Variants in ZNRF2 observed in about 807,000 individuals in gnomAD.
ZNRF2 encodes the protein E3 ubiquitin-protein ligase ZNRF2.
In ZNRF2, 16 loss-of-function variants were observed where a neutral mutation model predicts 20.4. The observed-to-expected ratio is 0.79, with a 90% CI of 0.53 to 1.19. The LOEUF (loss-of-function observed/expected upper bound fraction) is 1.19, where lower values mean the gene tolerates loss of function less well. ZNRF2 is among the 50% of genes most tolerant of loss of function. The pLI, the probability that ZNRF2 is intolerant of heterozygous loss-of-function variation, is 0.00. For missense variants in ZNRF2, 363 were observed against 332.4 expected, an observed-to-expected ratio of 1.09 and a Z score of -0.72; for synonymous variants, 178 against 144.9, an observed-to-expected ratio of 1.23 and a Z score of -1.64.
intron 2 of ZNRF2, among the ~76,000 whole-genome samples, chr7:30,334,533 A>G (rs1799687980): frequency 6.6e-6 from 1 of 152,196 alleles, no homozygotes; most frequent in South Asian, 2.1e-4. Context: ...AAATGACAGT[A>G]CTTTGATAGA....
At chr7:30,286,101 A>G (rs146773083) in intron 1 of ZNRF2, among the ~76,000 whole-genome samples, 1 of 152,186 alleles carries the variant, frequency 6.6e-6, no homozygotes, top group Non-Finnish European at 1.5e-5. Context: ...TTCCAGTGAG[A>G]TGACTGGAGC....
At chr7:30,363,181 C>A (rs964794059) in intron 4 of ZNRF2, among the ~76,000 whole-genome samples, 18 of 151,750 alleles carry the variant, frequency 1.2e-4, no homozygotes, top group African/African-American at 4.4e-4. Context: ...TGCAGTGAGC[C>A]GAGATCATGC....
At chr7:30,340,123 G>A (rs184054758) in intron 2 of ZNRF2, among the ~76,000 whole-genome samples, 2 of 152,298 alleles carry the variant, frequency 1.3e-5, no homozygotes, top group African/African-American at 4.8e-5. Context: ...TGCTGAAGTT[G>A]CTTATCAGCT....
Position 30,285,507 on chromosome 7 carries a change from G to T in ZNRF2, c.150G>T (p.Pro50=). Residue 50 remains proline, a synonymous_variant, in exon 1 of 5, where the codon CCG becomes CCT. Coordinates refer to ENST00000323037, the MANE Select transcript of ZNRF2 (RefSeq NM_147128.4). ...GARAAAAGRF[P]AQVPSAHQPS... The stretch of plus-strand genomic sequence containing the variant: ...GGGCCGCCGCCGCGGGGAGGTTCCC[G>T]GCTCAGGTGCCCAGCGCGCACCAGC... 9.6e-7 allele frequency: 1 copy of T among 1,045,140 alleles called. No individual in the cohort carries two copies. Among genetic ancestry groups the T allele is most frequent in the Admixed American group, 5.9e-5 (1 of 16,834 alleles). 64.7% of individuals were successfully genotyped at this position (1,045,140 alleles called of 1,614,324 possible). A position where few individuals can be genotyped will look rare whatever the true frequency, so the allele number is the denominator to read the frequency against.
At chr7:30,362,337 G>A (rs750297306) in intron 3 of ZNRF2, 40 bp from the exon 4 acceptor site, 15 of 1,395,058 alleles carry the variant, frequency 1.1e-5, no homozygotes, top group African/African-American at 1.4e-5. Flanking sequence ...TAAATAATTA[G>A]TATAAGTATC....
In ZNRF2 at chr7:30,367,591, T is replaced by A. The variant is rs1670138649; in HGVS notation, c.*1579T>A. On this transcript the variant is annotated 3_prime_UTR_variant, in exon 5 of 5. Coordinates refer to ENST00000323037, the MANE Select transcript of ZNRF2 (RefSeq NM_147128.4). ...TTTTCCCCCTACTTTCTTGCTTCTGTTTCACATTTTTTAAAAGGGCAAGTA... is the reference window on the plus strand; with the variant it reads ...TTTTCCCCCTACTTTCTTGCTTCTGATTCACATTTTTTAAAAGGGCAAGTA... The A allele has an allele frequency of 6.6e-6, 1 of 152,030 alleles. No homozygotes were observed. Among genetic ancestry groups the A allele is most frequent in the Non-Finnish European group, 1.5e-5 (1 of 67,898 alleles). 9.4% of individuals were successfully genotyped at this position (152,030 alleles called of 1,614,324 possible). A position where few individuals can be genotyped will look rare whatever the true frequency, so the allele number is the denominator to read the frequency against.
chr7:30,348,700 C>T (rs893541399), intron 2 of ZNRF2, among the ~76,000 whole-genome samples: 1 of 152,198 alleles, frequency 6.6e-6, no homozygotes, highest in Non-Finnish European at 1.5e-5. Flanking sequence ...CGGTTTGCTT[C>T]CATTCTCTAA....
rs1365772359 is a variant in ZNRF2, at chr7:30,286,804, T to G, written c.469+978T>G. Among the ~76,000 whole-genome samples the G allele has an allele frequency of 4.6e-5, 7 of 152,318 alleles. No individual in the cohort carries two copies. The South Asian group carries it at 8.3e-4, about 18-fold the overall frequency. On this transcript the variant is annotated intron_variant, in intron 1 of 4. Coordinates refer to ENST00000323037, the MANE Select transcript of ZNRF2 (RefSeq NM_147128.4). ...CATTCCCATTTCATCGCATTATGTATCTGGTATTAGAAAAATTAGCAACTG... is the reference window on the plus strand; with the variant it reads ...CATTCCCATTTCATCGCATTATGTAGCTGGTATTAGAAAAATTAGCAACTG...
chr7:30,328,672 C>T (rs1466075476), intron 2 of ZNRF2, among the ~76,000 whole-genome samples: 1 of 152,166 alleles, frequency 6.6e-6, no homozygotes, highest in African/African-American at 2.4e-5. Flanking sequence ...GTTTTTCAGA[C>T]TAGCTCACCA....
At chr7:30,348,900 C>T (rs1562619967) in intron 2 of ZNRF2, among the ~76,000 whole-genome samples, 1 of 152,196 alleles carries the variant, frequency 6.6e-6, no homozygotes, top group East Asian at 1.9e-4. Flanking sequence ...AAAAGCCTTA[C>T]TTACATACTT....
chr7:30,362,485 G>A (rs1800141893), intron 4 of ZNRF2, 29 bp downstream of exon 4: 1 of 1,382,242 alleles, frequency 7.2e-7, no homozygotes, highest in Non-Finnish European at 1.0e-6. Context: ...ACTTTTTAAA[G>A]CGTTAGCCCA....
At chr7:30,298,214 A>T (rs975538242) in intron 1 of ZNRF2, among the ~76,000 whole-genome samples, 2 of 152,040 alleles carry the variant, frequency 1.3e-5, no homozygotes, top group Admixed American at 1.3e-4. Flanking sequence ...ACGAATTTAC[A>T]TGTGCATCTG....
rs1798740057 is a variant in ZNRF2, at chr7:30,284,798, C to T, written c.-560C>T. The T allele has an allele frequency of 2.1e-5, 4 of 190,028 alleles. No homozygotes were observed. The highest frequency in any genetic ancestry group is 2.0e-4 in the Admixed American group (3 of 15,366). The allele number at this position is 190,028 out of a possible 1,614,324, so 11.8% of individuals were successfully genotyped here. A position where few individuals can be genotyped will look rare whatever the true frequency, so the allele number is the denominator to read the frequency against. ...CCTCTCCCTCCCATTTTTCGTTCTC[C>T]CCTCGCGCGCCACCCGTTTTTCCTC... On this transcript the variant is annotated 5_prime_UTR_variant, in exon 1 of 5. Coordinates refer to ENST00000323037, the MANE Select transcript of ZNRF2 (RefSeq NM_147128.4).
At chr7:30,345,839 A>G (rs1281669084) in intron 2 of ZNRF2, among the ~76,000 whole-genome samples, 1 of 152,154 alleles carries the variant, frequency 6.6e-6, no homozygotes, top group Non-Finnish European at 1.5e-5. Flanking sequence ...CTGGCAGAAT[A>G]TTGCTTTTGT....
At chr7:30,319,107 G>A (rs1302467143) in intron 1 of ZNRF2, among the ~76,000 whole-genome samples, 10 of 145,340 alleles carry the variant, frequency 6.9e-5, no homozygotes, top group Non-Finnish European at 1.3e-4. Flanking sequence ...GCGAAACTCC[G>A]TCTCAAAAAA....
intron 1 of ZNRF2, chr7:30,289,682 T>A (rs375756292): frequency 2.2e-6 from 1 of 463,236 alleles, no homozygotes; most frequent in Non-Finnish European, 4.5e-6. Context: ...CATGGAAGTT[T>A]CTGCTTTGGG....
chr7:30,338,230 T>A (rs1799745536), intron 2 of ZNRF2, among the ~76,000 whole-genome samples: 1 of 152,104 alleles, frequency 6.6e-6, no homozygotes, highest in Admixed American at 6.6e-5. Context: ...TACATTTCTA[T>A]TTTTGGTAAT....
At chr7:30,332,615 A>G (rs1438225683) in intron 2 of ZNRF2, among the ~76,000 whole-genome samples, 1 of 152,224 alleles carries the variant, frequency 6.6e-6, no homozygotes, top group Non-Finnish European at 1.5e-5. Context: ...ATAAGTGAGA[A>G]CATGGCTGTA....
chr7:30,339,460 G>A (rs1351614752), intron 2 of ZNRF2, among the ~76,000 whole-genome samples: 1 of 152,126 alleles, frequency 6.6e-6, no homozygotes, highest in Non-Finnish European at 1.5e-5. Flanking sequence ...TGTAAGGAAG[G>A]GGTCCAGTTT....
Sources: gnomAD v4.1 joint callset for allele counts (sites outside exome capture counted in the v4.1 genomes callset) on GRCh38, gnomAD v4.1.1 for gene constraint, MANE v1.5 for transcripts, NCBI Gene and HGNC (gene_info 2026-07-23, HGNC 2026-07-21) for gene names.